Variants in FHOD3 observed in about 807,000 individuals in gnomAD.
The protein encoded by FHOD3 is formin homology 2 domain containing 3.
FHOD3 carries 90 observed loss-of-function variants against 173.0 expected under a neutral mutation model. The observed-to-expected ratio is 0.52, with a 90% CI of 0.44 to 0.62. The LOEUF (loss-of-function observed/expected upper bound fraction) is 0.62, where lower values mean the gene tolerates loss of function less well. FHOD3 is among the 20% of genes least tolerant of loss of function. The pLI is 0.00. For missense variants in FHOD3, 1,945 were observed against 2,034.7 expected (o/e 0.96, Z 0.85); for synonymous variants, 828 against 823.0 (o/e 1.01, Z -0.10).
chr18:36,482,097 A>C (rs1370364258), intron 3 of FHOD3, among the ~76,000 whole-genome samples: 1 of 152,180 alleles, frequency 6.6e-6, no homozygotes, highest in Non-Finnish European at 1.5e-5. Context: ...TTCATAAGAT[A>C]AGAGGAAGAG....
intron 3 of FHOD3, among the ~76,000 whole-genome samples, chr18:36,398,538 G>T (rs2048659244): frequency 6.6e-6 from 1 of 152,228 alleles, no homozygotes; most frequent in Non-Finnish European, 1.5e-5. Flanking sequence ...TGCAGTAGGT[G>T]CTCAGAGCCT....
chr18:36,350,310 C>G (rs959418602), intron 1 of FHOD3, among the ~76,000 whole-genome samples: 1 of 152,186 alleles, frequency 6.6e-6, no homozygotes, highest in Non-Finnish European at 1.5e-5. Flanking sequence ...CTGCCTCCCA[C>G]CAGAATCCTG....
At chr18:36,695,256 G>A (rs2433395) in intron 17 of FHOD3, among the ~76,000 whole-genome samples, 71,937 of 151,364 alleles carry the variant, frequency 0.48, 17,304 homozygotes, top group East Asian at 0.67. Flanking sequence ...GGAGGCTGAG[G>A]GAGGAGAATC....
At chr18:36,577,855 C>T (rs2058711826) in intron 6 of FHOD3, among the ~76,000 whole-genome samples, 1 of 152,202 alleles carries the variant, frequency 6.6e-6, no homozygotes, top group Non-Finnish European at 1.5e-5. Flanking sequence ...AAGCCTCTGG[C>T]ATAGTCTTCT....
chr18:36,660,855 C>T (rs1033465527), intron 14 of FHOD3, among the ~76,000 whole-genome samples: 2 of 152,292 alleles, frequency 1.3e-5, no homozygotes, highest in East Asian at 3.9e-4. Context: ...GGTGGGATGA[C>T]TCTCCTAAGT....
intron 5 of FHOD3, among the ~76,000 whole-genome samples, chr18:36,576,173 T>C (rs913038340): frequency 2.0e-5 from 3 of 152,188 alleles, no homozygotes; most frequent in Admixed American, 2.0e-4. Flanking sequence ...CAGAAAAACA[T>C]GCATTTATAC....
chr18:36,691,966 C>A (rs943318177), intron 16 of FHOD3, among the ~76,000 whole-genome samples: 13 of 152,176 alleles, frequency 8.5e-5, no homozygotes, highest in Non-Finnish European at 1.6e-4. Flanking sequence ...ATGTAAAATG[C>A]CATCTGAGTT....
chr18:36,649,637 A>G (rs549592344), intron 11 of FHOD3, among the ~76,000 whole-genome samples: 13 of 152,252 alleles, frequency 8.5e-5, no homozygotes, highest in Admixed American at 5.2e-4. Flanking sequence ...ACCACACTTT[A>G]TGGAAAAAAT....
At chr18:36,753,385 G>A (rs973777840) in intron 24 of FHOD3, among the ~76,000 whole-genome samples, 3 of 152,172 alleles carry the variant, frequency 2.0e-5, no homozygotes, top group African/African-American at 4.8e-5. Flanking sequence ...AGGGCTAGTC[G>A]TCCAGGGCCT....
At chr18:36,718,846 T>C in intron 19 of FHOD3, 131 bp downstream of exon 19, 3 of 1,434,230 alleles carry the variant, frequency 2.1e-6, no homozygotes, top group Non-Finnish European at 2.8e-6. Flanking sequence ...AAATTTGATC[T>C]TTAATATAGT....
At chr18:36,743,354 A>G (rs1435589124) in intron 22 of FHOD3, among the ~76,000 whole-genome samples, 1 of 144,654 alleles carries the variant, frequency 6.9e-6, no homozygotes, top group Non-Finnish European at 1.5e-5. Context: ...GGGCCGATTT[A>G]TTTCAATCTG....
chr18:36,412,760 G>C (rs778944771), intron 3 of FHOD3, among the ~76,000 whole-genome samples: 14 of 152,166 alleles, frequency 9.2e-5, no homozygotes, highest in Non-Finnish European at 5.9e-5. Flanking sequence ...AAAAATGTTA[G>C]GTATAGAAGT....
chr18:36,745,194 C>T (rs1005542261), intron 23 of FHOD3, among the ~76,000 whole-genome samples: 1 of 152,206 alleles, frequency 6.6e-6, no homozygotes, highest in African/African-American at 2.4e-5. Context: ...CACCTACCTC[C>T]AGAGCCACAG....
rs986724781 is a variant in FHOD3, at chr18:36,642,604, A to G, written c.1197-6712A>G. ...TCTCAAAAAAAAAAAAAAAAAAAAA[A>G]AAAAATTAAAAAAATCCTAATTGTA... On this transcript the variant is annotated intron_variant, in intron 10 of 28. Transcript: ENST00000590592. Among the ~76,000 whole-genome samples, 6 of 151,464 alleles carry G rather than the reference A, an allele frequency of 4.0e-5. No homozygotes were observed. The East Asian group carries it at 1.2e-3, about 29-fold the overall frequency.
At chr18:36,668,520 T>C (rs1314386048) in intron 14 of FHOD3, among the ~76,000 whole-genome samples, 2 of 152,054 alleles carry the variant, frequency 1.3e-5, no homozygotes, top group East Asian at 3.8e-4. Flanking sequence ...TTTATTTTCT[T>C]GCTTCTGCTC....
chr18:36,381,681 C>T (rs876140), intron 3 of FHOD3, among the ~76,000 whole-genome samples: 55,010 of 151,916 alleles, frequency 0.36, 10,440 homozygotes, highest in East Asian at 0.68. Flanking sequence ...TACTGTCTCA[C>T]CCTCAGAAGG....
intron 3 of FHOD3, among the ~76,000 whole-genome samples, chr18:36,412,176 A>C (rs763741449): frequency 1.3e-5 from 2 of 152,196 alleles, no homozygotes; most frequent in African/African-American, 2.4e-5. Flanking sequence ...GATGGGTTGC[A>C]GGGGATTGAA....
chr18:36,681,549 G>A lies in FHOD3; in HGVS notation c.1949G>A (p.Arg650Gln), dbSNP rs781419029. ...GAAGAAAGGTTGCAGAGAATAGAGC[G>A]GGAAGAAAGAAACAAATTCAGGTAA... Reference protein sequence around the residue: ...EREERLQRIEREERNKFSRDY... With the variant: ...EREERLQRIEQEERNKFSRDY... Residue 650 changes from arginine to glutamine, a missense_variant, in exon 15 of 29, where the codon CGG (arginine) becomes CAG (glutamine). Around this residue, in one of 5 missense-constraint regions of FHOD3, gnomAD observed 1,099 missense variants for 1,051.2 expected, o/e 1.05. Coordinates refer to ENST00000590592, the MANE Select transcript of FHOD3 (RefSeq NM_001281740.3). 40 of 1,613,306 alleles carry A rather than the reference G, an allele frequency of 2.5e-5. No individual in the cohort carries two copies. The highest frequency in any genetic ancestry group is 4.4e-5 in the South Asian group (4 of 90,974).
intron 10 of FHOD3, among the ~76,000 whole-genome samples, chr18:36,643,659 A>T (rs1012134708): frequency 1.3e-5 from 2 of 152,196 alleles, no homozygotes; most frequent in Non-Finnish European, 2.9e-5. Context: ...AGAAAATGGT[A>T]TCTCACTGTG....
Sources: allele counts gnomAD v4.1 joint callset (sites outside exome capture counted in the v4.1 genomes callset), GRCh38; gene constraint gnomAD v4.1.1; regional missense constraint gnomAD v4.1.1; transcripts MANE v1.5; gene names NCBI Gene and HGNC (gene_info 2026-07-23, HGNC 2026-07-21).